Variants in GRIK3 observed in about 807,000 individuals in gnomAD.
GRIK3 encodes glutamate ionotropic receptor kainate type subunit 3, also known as glutamate receptor ionotropic, kainate 3.
A neutral mutation model predicts 102.5 loss-of-function variants in GRIK3; 29 were observed. That is an observed-to-expected ratio of 0.28 (90% CI 0.21 to 0.39). GRIK3 has a LOEUF of 0.39. Ranked by LOEUF, GRIK3 falls within the 10% of genes least tolerant of loss-of-function variation. The pLI is 1.00. For missense variants in GRIK3, 908 were observed against 1,252.4 expected (o/e 0.73, Z 4.15); for synonymous variants, 511 against 504.9 (o/e 1.01, Z -0.16).
At chr1:36,982,244 G>A (rs1159266590) in intron 1 of GRIK3, among the ~76,000 whole-genome samples, 1 of 152,232 alleles carries the variant, frequency 6.6e-6, no homozygotes. Context: ...CCTGGGACAG[G>A]ACTCTGATGG....
chr1:37,023,841 T>A (rs541774224), intron 1 of GRIK3, among the ~76,000 whole-genome samples: 1 of 152,300 alleles, frequency 6.6e-6, no homozygotes, highest in African/African-American at 2.4e-5. Context: ...GAGGGTGTAA[T>A]CCATACCTGC....
chr1:36,843,941 C>A (rs549099587), intron 9 of GRIK3, among the ~76,000 whole-genome samples: 1 of 152,332 alleles, frequency 6.6e-6, no homozygotes, highest in East Asian at 1.9e-4. Flanking sequence ...CGGGGCCATT[C>A]CCTTGACCTC....
At chr1:37,004,823 C>T (rs1642515006) in intron 1 of GRIK3, among the ~76,000 whole-genome samples, 1 of 152,232 alleles carries the variant, frequency 6.6e-6, no homozygotes. Flanking sequence ...TTGACTTCCT[C>T]ATCCCTCTTC....
chr1:36,875,666 A>G (rs1400249237), intron 3 of GRIK3, among the ~76,000 whole-genome samples: 2 of 152,232 alleles, frequency 1.3e-5, no homozygotes, highest in Non-Finnish European at 2.9e-5. Context: ...AGGCCAGCCT[A>G]GATCAACCAA....
intron 3 of GRIK3, among the ~76,000 whole-genome samples, chr1:36,877,712 G>A (rs150682347): frequency 8.5e-5 from 13 of 152,180 alleles, no homozygotes; most frequent in Middle Eastern, 3.4e-3. Context: ...TGCTCATGCT[G>A]TTCCCTCCAC....
intron 1 of GRIK3, among the ~76,000 whole-genome samples, chr1:36,938,603 G>A (rs1641685752): frequency 1.3e-5 from 2 of 152,154 alleles, no homozygotes; most frequent in South Asian, 4.2e-4. Context: ...ACAACCCAGA[G>A]TGACTTTTCC....
chr1:36,974,894 C>T (rs1557448280), intron 1 of GRIK3, among the ~76,000 whole-genome samples: 1 of 151,800 alleles, frequency 6.6e-6, no homozygotes, highest in Non-Finnish European at 1.5e-5. Context: ...AGGCAAAACA[C>T]GAAAAGACAA....
chr1:36,885,803 C>G (rs897596051), intron 2 of GRIK3, among the ~76,000 whole-genome samples: 3 of 152,170 alleles, frequency 2.0e-5, no homozygotes, highest in Non-Finnish European at 2.9e-5. Flanking sequence ...GATCACACTG[C>G]AGTAATTACA....
chr1:37,022,912 T>C (rs1037589279), intron 1 of GRIK3, among the ~76,000 whole-genome samples: 1 of 152,170 alleles, frequency 6.6e-6, no homozygotes, highest in Non-Finnish European at 1.5e-5. Context: ...ATACAGCAAG[T>C]GCTACAACAG....
At chr1:36,972,884 C>G (rs1039568424) in intron 1 of GRIK3, among the ~76,000 whole-genome samples, 1 of 152,160 alleles carries the variant, frequency 6.6e-6, no homozygotes, top group African/African-American at 2.4e-5. Flanking sequence ...ACATCTGTGT[C>G]CAGAGGAGGA....
At chr1:36,892,545 A>C (rs545472539) in intron 1 of GRIK3, among the ~76,000 whole-genome samples, 1 of 151,894 alleles carries the variant, frequency 6.6e-6, no homozygotes, top group Non-Finnish European at 1.5e-5. Flanking sequence ...AATGAGAGAT[A>C]TAAACATAGC....
At chr1:37,008,138 G>C (rs890233720) in intron 1 of GRIK3, among the ~76,000 whole-genome samples, 2 of 152,228 alleles carry the variant, frequency 1.3e-5, no homozygotes, top group South Asian at 4.1e-4. Context: ...GGCTTTGCCT[G>C]CCACTGCCAA....
At chr1:36,982,259 G>A (rs1231191995) in intron 1 of GRIK3, among the ~76,000 whole-genome samples, 1 of 152,190 alleles carries the variant, frequency 6.6e-6, no homozygotes, top group Non-Finnish European at 1.5e-5. Context: ...TGATGGTCAG[G>A]GCCCCGGGCT....
chr1:36,984,087 G>A (rs1016978584), intron 1 of GRIK3, among the ~76,000 whole-genome samples: 7 of 152,222 alleles, frequency 4.6e-5, no homozygotes. Flanking sequence ...CACAGGCGAA[G>A]AGCCTTGGGA....
intron 13 of GRIK3, among the ~76,000 whole-genome samples, chr1:36,808,491 G>A (rs1642524860): frequency 2.0e-5 from 3 of 152,216 alleles, no homozygotes; most frequent in African/African-American, 7.2e-5. Context: ...GTCATGTTGT[G>A]AGTTGCCCTA....
chr1:37,033,351 A>T (rs768871171), intron 1 of GRIK3, among the ~76,000 whole-genome samples: 1 of 152,052 alleles, frequency 6.6e-6, no homozygotes, highest in African/African-American at 2.4e-5. Flanking sequence ...CTCTACCTGC[A>T]CTGCCCCAGG....
intron 5 of GRIK3, among the ~76,000 whole-genome samples, chr1:36,868,408 C>T (rs1029080347): frequency 6.6e-6 from 1 of 152,206 alleles, no homozygotes; most frequent in Non-Finnish European, 1.5e-5. Flanking sequence ...CTGGCAGGTC[C>T]CCAGGTCTGA....
Position 37,034,464 on chromosome 1 carries a change from C to G in GRIK3, c.-356G>C, listed in dbSNP as rs1381181266. The stretch of plus-strand genomic sequence containing the variant: ...GCTCTGGCGGGCGGGCTGCACGCGT[C>G]TCCGGCCGCTCCTCCTCCAGCCGCC... On this transcript the variant is annotated 5_prime_UTR_variant, in exon 1 of 16. Coordinates refer to ENST00000373091, the MANE Select transcript of GRIK3 (RefSeq NM_000831.4). 6.6e-6 allele frequency among the ~76,000 whole-genome samples: 1 copy of G among 151,530 alleles called. No homozygotes were observed. The highest frequency in any genetic ancestry group is 1.5e-5 in the Non-Finnish European group (1 of 67,742).
rs761692151 is a variant in GRIK3 at position 36,805,218 on chromosome 1, C to T, written c.2334G>A (p.Lys778=). 1.1e-5 allele frequency: 18 copies of T among 1,612,354 alleles called. No homozygotes were observed. The highest frequency in any genetic ancestry group is 8.0e-5 in the African/African-American group (6 of 74,928). ...GAAGCTGCAGGATGGCGATGGTGAT[C>T]TTGTCCCGGTATGGGGAGCCTGAGC... ...GTPMGSPYRD[K]ITIAILQLQE... is the part of the protein sequence containing the mutation. The change falls in exon 15 of 16, where the codon AAG becomes AAA. Residue 778 remains lysine (K), a synonymous_variant. Transcript: ENST00000373091.
Sources: allele counts gnomAD v4.1 joint callset (sites outside exome capture counted in the v4.1 genomes callset), GRCh38; gene constraint gnomAD v4.1.1; transcripts MANE v1.5; gene names NCBI Gene and HGNC (gene_info 2026-07-23, HGNC 2026-07-21).